MLLT3: variants seen among roughly 807,000 people sequenced by gnomAD.
MLLT3 encodes protein AF-9.
MLLT3 carries 4 observed loss-of-function variants against 53.2 expected under a neutral mutation model. That is an observed-to-expected ratio of 0.08 (90% CI 0.04 to 0.17). The LOEUF (loss-of-function observed/expected upper bound fraction) is 0.17. MLLT3 is among the 10% of genes least tolerant of loss of function. The pLI is 1.00. For synonymous variants in MLLT3, 283 were observed against 230.6 expected, an observed-to-expected ratio of 1.23 and a Z score of -2.06; for missense variants, 569 against 684.0, an observed-to-expected ratio of 0.83 and a Z score of 1.87.
intron 5 of MLLT3, among the ~76,000 whole-genome samples, chr9:20,393,509 G>C (rs902832277): frequency 5.3e-5 from 8 of 152,162 alleles, no homozygotes; most frequent in Non-Finnish European, 1.2e-4. Flanking sequence ...ATCTACAGTA[G>C]ACCTTGCTAT....
chr9:20,385,684 G>A (rs963745323), intron 5 of MLLT3, among the ~76,000 whole-genome samples: 1 of 152,058 alleles, frequency 6.6e-6, no homozygotes, highest in African/African-American at 2.4e-5. Flanking sequence ...CCACTCCCAA[G>A]TCACAACATT....
intron 2 of MLLT3, among the ~76,000 whole-genome samples, chr9:20,510,437 C>T (rs1319157901): frequency 6.6e-6 from 1 of 151,916 alleles, no homozygotes. Flanking sequence ...ATGGTGAAAC[C>T]TCATCTCTAT....
At chr9:20,492,707 A>G (rs911957029) in intron 2 of MLLT3, among the ~76,000 whole-genome samples, 1 of 151,976 alleles carries the variant, frequency 6.6e-6, no homozygotes, top group Non-Finnish European at 1.5e-5. Context: ...TAAAATCTCT[A>G]AACTAAATAT....
chr9:20,425,449 C>T (rs780460797), intron 4 of MLLT3, among the ~76,000 whole-genome samples: 2 of 152,072 alleles, frequency 1.3e-5, no homozygotes, highest in Non-Finnish European at 2.9e-5. Context: ...TAAATATCTT[C>T]GACTTCACAA....
chr9:20,603,623 A>G (rs1820491371), intron 2 of MLLT3, among the ~76,000 whole-genome samples: 1 of 152,042 alleles, frequency 6.6e-6, no homozygotes, highest in African/African-American at 2.4e-5. Context: ...TCAGGACTCT[A>G]CCATTCTTGA....
intron 2 of MLLT3, among the ~76,000 whole-genome samples, chr9:20,549,391 A>T (rs1489167238): frequency 6.6e-6 from 1 of 152,196 alleles, no homozygotes; most frequent in Non-Finnish European, 1.5e-5. Context: ...TAACAACAAC[A>T]ACGACTAACT....
At chr9:20,470,834 TTGCTCTCAC>T (rs1824372137) in intron 2 of MLLT3, among the ~76,000 whole-genome samples, 3 of 151,986 alleles carry the variant, frequency 2.0e-5, no homozygotes, top group Admixed American at 2.0e-4. Context: ...ATACATGCAT[TTGCTCTCAC>T]ACATACCCCC....
At chr9:20,515,878 G>A (rs1159049353) in intron 2 of MLLT3, among the ~76,000 whole-genome samples, 2 of 152,148 alleles carry the variant, frequency 1.3e-5, no homozygotes, top group African/African-American at 2.4e-5. Context: ...CTCTGCGGCT[G>A]GGGAGTATGT....
chr9:20,532,185 A>T (rs1818356468), intron 2 of MLLT3, among the ~76,000 whole-genome samples: 1 of 152,206 alleles, frequency 6.6e-6, no homozygotes, highest in Non-Finnish European at 1.5e-5. Flanking sequence ...TATGTGATAA[A>T]GTCTTCACAA....
intron 2 of MLLT3, among the ~76,000 whole-genome samples, chr9:20,473,499 C>T (rs1025524376): frequency 6.6e-6 from 1 of 152,060 alleles, no homozygotes; most frequent in African/African-American, 2.4e-5. Flanking sequence ...AGAGGTACGT[C>T]TGTTTACTGT....
At chr9:20,479,722 T>C (rs902854966) in intron 2 of MLLT3, among the ~76,000 whole-genome samples, 14 of 152,234 alleles carry the variant, frequency 9.2e-5, no homozygotes, top group Admixed American at 7.8e-4. Context: ...ATAATACTTG[T>C]TTTTAAGTAA....
At chr9:20,443,738 T>C (rs117261693) in intron 4 of MLLT3, among the ~76,000 whole-genome samples, 1 of 152,166 alleles carries the variant, frequency 6.6e-6, no homozygotes, top group Non-Finnish European at 1.5e-5. Flanking sequence ...TATTCTAAAC[T>C]AGTAACTGAG....
chr9:20,602,328 T>C (rs1434510856), intron 2 of MLLT3, among the ~76,000 whole-genome samples: 1 of 152,112 alleles, frequency 6.6e-6, no homozygotes, highest in African/African-American at 2.4e-5. Flanking sequence ...AGCACATAAA[T>C]AACTATACAG....
intron 4 of MLLT3, among the ~76,000 whole-genome samples, chr9:20,431,967 CAAG>C (rs1343692206): frequency 6.6e-6 from 1 of 151,940 alleles, no homozygotes; most frequent in Non-Finnish European, 1.5e-5. Context: ...TTTAAAAGCT[CAAG>C]AAACTTTAGG....
At chr9:20,402,506 G>T (rs998099809) in intron 5 of MLLT3, among the ~76,000 whole-genome samples, 13 of 152,030 alleles carry the variant, frequency 8.6e-5, no homozygotes, top group Non-Finnish European at 1.8e-4. Flanking sequence ...AGGAGGATCT[G>T]GGTTTCGTCC....
In MLLT3 at chr9:20,621,032, TG is replaced by T; in HGVS notation, c.13-199del. 1 of 723,110 alleles carries T rather than the reference TG, an allele frequency of 1.4e-6. No individual in the cohort carries two copies. Among genetic ancestry groups the T allele is most frequent in the Admixed American group, 2.0e-5 (1 of 48,940 alleles). The allele number at this position is 723,110 out of a possible 1,614,324, so 44.8% of individuals were successfully genotyped here. On this transcript the variant is annotated intron_variant, in intron 1 of 10. Transcript: ENST00000380338. The surrounding 1 kb of genome is among the most constrained non-coding windows in gnomAD (Gnocchi z 7.0). The stretch of plus-strand genomic sequence containing the variant: ...ATATACCCGCCCGCCCGGCCCGGCT[TG>T]GCCCCAGGCGCCCCGGGCCCCGCAT...
chr9:20,563,126 G>T (rs969041987), intron 2 of MLLT3, among the ~76,000 whole-genome samples: 1 of 151,958 alleles, frequency 6.6e-6, no homozygotes, highest in Non-Finnish European at 1.5e-5. Flanking sequence ...AAGCACACTA[G>T]GCAGAATTCA....
At chr9:20,605,054 G>C (rs964209018) in intron 2 of MLLT3, among the ~76,000 whole-genome samples, 2 of 152,024 alleles carry the variant, frequency 1.3e-5, no homozygotes, top group East Asian at 3.9e-4. Flanking sequence ...AAAAATAAAA[G>C]GCAAATGGTT....
intron 4 of MLLT3, among the ~76,000 whole-genome samples, chr9:20,436,507 G>C (rs943583116): frequency 5.3e-5 from 8 of 152,208 alleles, no homozygotes; most frequent in African/African-American, 1.7e-4. Context: ...TCAGAAAGGA[G>C]ACTCATGCAA....
Sources: gnomAD v4.1 joint callset for allele counts (sites outside exome capture counted in the v4.1 genomes callset) on GRCh38, gnomAD v4.1.1 for gene constraint, Gnocchi (gnomAD v3.1) non-coding constraint, MANE v1.5 for transcripts, NCBI Gene and HGNC (gene_info 2026-07-23, HGNC 2026-07-21) for gene names.